The following TGFBR3 variants were observed in gnomAD, a reference collection of about 807,000 sequenced individuals.
TGFBR3 encodes the protein transforming growth factor beta receptor type 3.
In TGFBR3, 46 loss-of-function variants were observed where a neutral mutation model predicts 87.9. The observed-to-expected ratio is 0.52, with a 90% CI of 0.41 to 0.67. The LOEUF (loss-of-function observed/expected upper bound fraction) is 0.67, where lower values mean the gene tolerates loss of function less well. Among genes scored for constraint, TGFBR3 ranks in the 30% least tolerant of loss-of-function variants. TGFBR3 has a pLI of 0.00. For synonymous variants in TGFBR3, 381 were observed against 391.6 expected (o/e 0.97, Z 0.32); for missense variants, 866 against 1,041.9 (o/e 0.83, Z 2.32).
At chr1:91,719,561 G>A (rs759226739) in intron 9 of TGFBR3, 97 bp from the exon 10 acceptor site, 9 of 1,472,234 alleles carry the variant, frequency 6.1e-6, no homozygotes, top group Non-Finnish European at 4.7e-6. Context: ...CCAAGGACAG[G>A]CGATGAGAGG....
chr1:91,858,610 C>CA (rs58608714), intron 2 of TGFBR3, among the ~76,000 whole-genome samples: 79 of 78,264 alleles, frequency 1.0e-3, no homozygotes, highest in African/African-American at 2.8e-3. Flanking sequence ...GACTCTGTCT[C>CA]AAAAAAAAAA....
intron 4 of TGFBR3, among the ~76,000 whole-genome samples, chr1:91,743,740 C>T (rs571137794): frequency 6.6e-5 from 10 of 152,164 alleles, no homozygotes. Context: ...CAGTGCCTGC[C>T]TAAGGTTCTG....
At chr1:91,826,574 C>CAT (rs1676646491) in intron 2 of TGFBR3, among the ~76,000 whole-genome samples, 1 of 152,260 alleles carries the variant, frequency 6.6e-6, no homozygotes, top group East Asian at 1.9e-4. Flanking sequence ...CTGAAGCCAG[C>CAT]ATTGCCCTTC....
chr1:91,753,590 T>C (rs1302171591), intron 4 of TGFBR3, among the ~76,000 whole-genome samples: 1 of 152,106 alleles, frequency 6.6e-6, no homozygotes, highest in African/African-American at 2.4e-5. Flanking sequence ...TCTCGTATCA[T>C]TAGTAGTCAT....
Position 91,681,153 on chromosome 1 carries a change from G to A in TGFBR3, c.*2586C>T, listed in dbSNP as rs528335137. On this transcript the variant is annotated 3_prime_UTR_variant, in exon 17 of 17. Coordinates refer to ENST00000212355, the MANE Select transcript of TGFBR3 (RefSeq NM_003243.5). ...ACTTTTAAAGAAACTTGTAGTACAC[G>A]TTATAAAAGTAGAGCTTGTACTTTG... 104 of 454,080 alleles carry A rather than the reference G, an allele frequency of 2.3e-4. No individual in the cohort carries two copies. The highest frequency in any genetic ancestry group is 1.9e-3 in the East Asian group (27 of 14,400). 28.1% of individuals were successfully genotyped at this position (454,080 alleles called of 1,614,324 possible).
At chr1:91,690,396 A>AG (rs971520869) in intron 16 of TGFBR3, among the ~76,000 whole-genome samples, 6 of 152,078 alleles carry the variant, frequency 3.9e-5, no homozygotes, top group African/African-American at 1.4e-4. Flanking sequence ...CACATTCAAA[A>AG]GGGGGGGATT....
intron 3 of TGFBR3, among the ~76,000 whole-genome samples, chr1:91,765,115 G>C (rs982351587): frequency 4.6e-5 from 7 of 151,650 alleles, no homozygotes; most frequent in African/African-American, 1.2e-4. Flanking sequence ...TGTGGCCCGA[G>C]ACAATTCTTC....
At chr1:91,872,164 C>T (rs914534159) in intron 1 of TGFBR3, among the ~76,000 whole-genome samples, 3 of 152,104 alleles carry the variant, frequency 2.0e-5, no homozygotes, top group African/African-American at 7.2e-5. Context: ...GGAACCATGC[C>T]GATGTTATCT....
intron 3 of TGFBR3, among the ~76,000 whole-genome samples, chr1:91,767,907 T>C (rs2171583): frequency 0.21 from 31,221 of 149,224 alleles, 3,824 homozygotes; most frequent in Non-Finnish European, 0.27. Flanking sequence ...AAAAAAGCCA[T>C]GCTCTTTAAG....
chr1:91,788,712 T>G (rs991810111), intron 3 of TGFBR3, among the ~76,000 whole-genome samples: 9 of 152,184 alleles, frequency 5.9e-5, no homozygotes, highest in African/African-American at 1.7e-4. Flanking sequence ...ACTGGGCCTT[T>G]GCCCAATCAG....
chr1:91,872,111 TC>T (rs909746284), intron 1 of TGFBR3, among the ~76,000 whole-genome samples: 28 of 152,346 alleles, frequency 1.8e-4, no homozygotes, highest in East Asian at 1.3e-3. Context: ...AATAGCTTCC[TC>T]CTAAGCCTTT....
Position 91,797,394 on chromosome 1 carries a change from T to C in TGFBR3, c.139A>G (p.Thr47Ala). The change falls in exon 3 of 17, where the codon ACT becomes GCT. Residue 47 changes from threonine (T) to alanine (A), a missense_variant. Thr to Ala is a moderately conservative substitution (Grantham distance 58, BLOSUM62 0). Transcript: ENST00000212355. ...CTGCTGGCACAGCCTGACAAAACAG[T>C]GAAGCTCTCCATCAAGGCCTGGACA... Reference protein sequence around the residue: ...HPVQALMESFTVLSGCASRGT... With the variant: ...HPVQALMESFAVLSGCASRGT... 5 of 1,614,174 alleles carry C rather than the reference T, an allele frequency of 3.1e-6. No homozygotes were observed. Among genetic ancestry groups the C allele is most frequent in the Admixed American group, 1.7e-5 (1 of 60,030 alleles).
intron 1 of TGFBR3, among the ~76,000 whole-genome samples, chr1:91,877,493 A>G (rs1678850389): frequency 6.6e-6 from 1 of 152,140 alleles, no homozygotes; most frequent in Non-Finnish European, 1.5e-5. Context: ...TGCCTGGCTA[A>G]TTTTTAACTG....
intron 5 of TGFBR3, among the ~76,000 whole-genome samples, 181 bp downstream of exon 5, chr1:91,734,595 A>G (rs1188232125): frequency 6.6e-6 from 1 of 152,202 alleles, no homozygotes; most frequent in African/African-American, 2.4e-5. Context: ...CCCCAGGAGG[A>G]AAAAAGAAGG....
At position 91,763,003 on chromosome 1, in the gene TGFBR3, C is replaced by T. The variant is rs544637572; in HGVS notation, c.247-4253G>A. ...CAGAAAATAACAAGGACAATCTTTT[C>T]TGGACCTTGTTATAGTGAAGGCTTC... On this transcript the variant is annotated intron_variant, in intron 3 of 16. Transcript: ENST00000212355. Among the ~76,000 whole-genome samples the T allele has an allele frequency of 9.8e-5, 15 of 152,296 alleles. No individual in the cohort carries two copies. In the South Asian group the frequency reaches 3.1e-3, roughly 32 times the overall value.
chr1:91,715,244 T>TTCTAGAA (rs1471171466), intron 12 of TGFBR3, among the ~76,000 whole-genome samples: 1 of 152,226 alleles, frequency 6.6e-6, no homozygotes, highest in Non-Finnish European at 1.5e-5. Context: ...CATTTATCTT[T>TTCTAGAA]TCTAGAATCC....
upstream of TGFBR3, among the ~76,000 whole-genome samples, chr1:91,886,772 G>C (rs1372635781): frequency 6.6e-6 from 1 of 152,036 alleles, no homozygotes; most frequent in Non-Finnish European, 1.5e-5. Flanking sequence ...TCCAGCAGCT[G>C]AGACTGCATT....
At chr1:91,704,221 G>A (rs1421847563) in intron 14 of TGFBR3, among the ~76,000 whole-genome samples, 6 of 151,870 alleles carry the variant, frequency 4.0e-5, no homozygotes, top group East Asian at 1.9e-4. Context: ...CTAGCTACTC[G>A]GGAGGCTGAG....
rs566376747 is a variant in TGFBR3 at position 91,683,285 on chromosome 1, A to G, written c.*454T>C. ...AGCCTCAAAGCATTTCTTGTTTTAC[A>G]TCTTGGTTCAGATATAAAGAATCTT... On this transcript the variant is annotated 3_prime_UTR_variant, in exon 17 of 17. Transcript: ENST00000212355. 6 of 456,680 alleles carry G rather than the reference A, an allele frequency of 1.3e-5. No individual in the cohort carries two copies. The East Asian group carries it at 3.5e-4, about 26-fold the overall frequency. 28.3% of individuals were successfully genotyped at this position (456,680 alleles called of 1,614,324 possible). A position where few individuals can be genotyped will look rare whatever the true frequency, so the allele number is the denominator to read the frequency against.
Sources: gnomAD v4.1 joint callset for allele counts (sites outside exome capture counted in the v4.1 genomes callset) on GRCh38, gnomAD v4.1.1 for gene constraint, MANE v1.5 for transcripts, NCBI Gene and HGNC (gene_info 2026-07-23, HGNC 2026-07-21) for gene names.